GRID2: variants seen among roughly 807,000 people sequenced by gnomAD.
The protein encoded by GRID2 is glutamate receptor ionotropic, delta-2.
GRID2 carries 33 observed loss-of-function variants against 114.8 expected under a neutral mutation model. The observed-to-expected ratio is 0.29, with a 90% CI of 0.22 to 0.38. The LOEUF is 0.38. Among genes scored for constraint, GRID2 ranks in the 10% least tolerant of loss-of-function variants. The pLI, the probability that GRID2 is intolerant of heterozygous loss-of-function variation, is 1.00. For missense variants in GRID2, 1,184 were observed against 1,257.7 expected, an observed-to-expected ratio of 0.94 and a Z score of 0.89; for synonymous variants, 505 against 449.9, an observed-to-expected ratio of 1.12 and a Z score of -1.55.
At chr4:92,499,717 C>T (rs1459043543) in intron 1 of GRID2, among the ~76,000 whole-genome samples, 1 of 152,082 alleles carries the variant, frequency 6.6e-6, no homozygotes, top group Non-Finnish European at 1.5e-5. Flanking sequence ...TGGGTTCATG[C>T]GATTCTCCTG....
intron 3 of GRID2, among the ~76,000 whole-genome samples, chr4:93,109,917 G>T (rs531663285): frequency 2.2e-4 from 33 of 152,116 alleles, no homozygotes; most frequent in African/African-American, 7.9e-4. Flanking sequence ...AAACTCTTTA[G>T]ATTGAATTTT....
chr4:93,284,836 C>T (rs990092244), intron 8 of GRID2, among the ~76,000 whole-genome samples: 3 of 151,782 alleles, frequency 2.0e-5, no homozygotes, highest in Non-Finnish European at 4.4e-5. Context: ...AGCTTTTCAG[C>T]GAGACTTGGT....
At chr4:92,802,906 A>G (rs1740243281) in intron 2 of GRID2, among the ~76,000 whole-genome samples, 1 of 151,910 alleles carries the variant, frequency 6.6e-6, no homozygotes, top group South Asian at 2.1e-4. Context: ...TCACTGCTGC[A>G]TTTTTCTATT....
At chr4:93,316,316 GAAAGAAAGAAA>G (rs1756619767) in intron 8 of GRID2, among the ~76,000 whole-genome samples, 3 of 137,964 alleles carry the variant, frequency 2.2e-5, no homozygotes, top group African/African-American at 8.6e-5. Context: ...AAGAAAGAAA[GAAAGAAAGAAA>G]GAAAGAAAGA....
chr4:92,894,913 T>C (rs1747051295), intron 2 of GRID2, among the ~76,000 whole-genome samples: 1 of 152,062 alleles, frequency 6.6e-6, no homozygotes, highest in Non-Finnish European at 1.5e-5. Context: ...AGGGGAGTTC[T>C]TGAAATAGAA....
intron 2 of GRID2, among the ~76,000 whole-genome samples, chr4:92,597,678 C>A (rs1034109393): frequency 2.0e-5 from 3 of 152,042 alleles, no homozygotes; most frequent in African/African-American, 7.2e-5. Flanking sequence ...TTCTTGTATT[C>A]TTCTATGTCT....
At chr4:93,638,229 T>C (rs566703022) in intron 14 of GRID2, among the ~76,000 whole-genome samples, 22 of 151,974 alleles carry the variant, frequency 1.4e-4, no homozygotes, top group African/African-American at 4.1e-4. Flanking sequence ...TAGTAACTAA[T>C]GAAAATGATC....
At chr4:93,127,100 A>T (rs1009500922) in intron 4 of GRID2, among the ~76,000 whole-genome samples, 10 of 152,234 alleles carry the variant, frequency 6.6e-5, no homozygotes, top group Admixed American at 1.3e-4. Flanking sequence ...AATTTCACAA[A>T]TAAAAATTTT....
At chr4:92,461,952 G>A (rs192278502) in intron 1 of GRID2, among the ~76,000 whole-genome samples, 8 of 151,952 alleles carry the variant, frequency 5.3e-5, no homozygotes, top group African/African-American at 1.4e-4. Context: ...GTTGTATTAC[G>A]TCTTTGACAG....
At chr4:92,415,744 A>G (rs199677706) in intron 1 of GRID2, among the ~76,000 whole-genome samples, 4,720 of 53,470 alleles carry the variant, frequency 0.088, 178 homozygotes, top group Non-Finnish European at 0.11. Context: ...ATGTGTGTAT[A>G]TATATATATA....
intron 1 of GRID2, among the ~76,000 whole-genome samples, chr4:92,321,918 A>G (rs1361412265): frequency 6.6e-6 from 1 of 152,132 alleles, no homozygotes; most frequent in East Asian, 1.9e-4. Context: ...TCAAAGTCTC[A>G]AATTTACCTG....
At chr4:92,972,368 AG>A (rs1753577249) in intron 2 of GRID2, among the ~76,000 whole-genome samples, 1 of 152,072 alleles carries the variant, frequency 6.6e-6, no homozygotes, top group South Asian at 2.1e-4. Flanking sequence ...AATTTTAAGA[AG>A]ATATTTAGAG....
intron 8 of GRID2, among the ~76,000 whole-genome samples, chr4:93,272,127 T>C (rs958668839): frequency 3.3e-5 from 5 of 152,296 alleles, no homozygotes; most frequent in Admixed American, 6.5e-5. Flanking sequence ...TCCTGAAAGC[T>C]GTTTTCATTA....
chr4:92,610,976 T>C (rs1729697594), intron 2 of GRID2, among the ~76,000 whole-genome samples: 1 of 151,492 alleles, frequency 6.6e-6, no homozygotes, highest in Non-Finnish European at 1.5e-5. Flanking sequence ...AGTTTCCAGC[T>C]TCTCTTAGGA....
chr4:93,769,548 C>A, intron 15 of GRID2, 98 bp downstream of exon 15: 1 of 1,125,174 alleles, frequency 8.9e-7, no homozygotes, highest in Non-Finnish European at 1.3e-6. Flanking sequence ...GGGGGTGGTC[C>A]TTGTTTTTTC....
chr4:93,125,994 A>G (rs1734231817), intron 4 of GRID2, among the ~76,000 whole-genome samples: 1 of 152,202 alleles, frequency 6.6e-6, no homozygotes, highest in Non-Finnish European at 1.5e-5. Flanking sequence ...CAATCACATG[A>G]GTCCTCTAGG....
At chr4:93,697,259 T>C (rs1205516232) in intron 14 of GRID2, among the ~76,000 whole-genome samples, 4 of 152,190 alleles carry the variant, frequency 2.6e-5, no homozygotes, top group African/African-American at 9.6e-5. Context: ...TGGGAAATAA[T>C]TCTTTTCTGA....
intron 1 of GRID2, among the ~76,000 whole-genome samples, chr4:92,476,085 G>A (rs1722300094): frequency 6.8e-6 from 1 of 147,502 alleles, no homozygotes; most frequent in South Asian, 2.2e-4. Context: ...GAGTGCAGTG[G>A]CGCAATCTTG....
chr4:93,020,029 T>C (rs1723133962), intron 2 of GRID2, among the ~76,000 whole-genome samples: 1 of 152,206 alleles, frequency 6.6e-6, no homozygotes, highest in South Asian at 2.1e-4. Context: ...CTGGACATGA[T>C]ATTTGACTTC....
Sources: gnomAD v4.1 joint callset for allele counts (sites outside exome capture counted in the v4.1 genomes callset) on GRCh38, gnomAD v4.1.1 for gene constraint, MANE v1.5 for transcripts, NCBI Gene and HGNC (gene_info 2026-07-23, HGNC 2026-07-21) for gene names.